NBAS: variants seen among roughly 807,000 people sequenced by gnomAD.
The protein encoded by NBAS is NAG/BC035112 fusion.
In NBAS, 219 loss-of-function variants were observed where a neutral mutation model predicts 302.5. That is an observed-to-expected ratio of 0.72 (90% CI 0.65 to 0.81). NBAS has a LOEUF of 0.81. NBAS is among the 30% of genes least tolerant of loss of function. The probability of loss-of-function intolerance (pLI) is 0.00; values close to 1 mark genes in which losing one functional copy is unlikely to be tolerated. For synonymous variants in NBAS, 1,118 were observed against 1,021.6 expected, an observed-to-expected ratio of 1.09 and a Z score of -1.80; for missense variants, 2,932 against 2,841.6, an observed-to-expected ratio of 1.03 and a Z score of -0.72.
chr2:15,374,418 A>G (rs1477609052), intron 31 of NBAS, among the ~76,000 whole-genome samples, 190 bp downstream of exon 31: 1 of 152,108 alleles, frequency 6.6e-6, no homozygotes, highest in East Asian at 1.9e-4. Context: ...TTTATGGTAA[A>G]ATGTTGGCTT....
At position 15,249,466 on chromosome 2, in the gene NBAS, G is replaced by T. The variant is rs1185603025; in HGVS notation, c.5725-10780C>A. ...CATAGTATTGGAAGTTCTGGCCAGG[G>T]CAATCACGCAAGAGAAAGAAATAAA... is the stretch of plus-strand genomic sequence containing the variant. On this transcript the variant is annotated intron_variant, in intron 44 of 51. Coordinates refer to ENST00000281513, the MANE Select transcript of NBAS (RefSeq NM_015909.4). Among the ~76,000 whole-genome samples, 7 of 152,248 alleles carry T rather than the reference G, an allele frequency of 4.6e-5. No homozygotes were observed. In the East Asian group the frequency reaches 1.4e-3, roughly 29 times the overall value.
the NBAS span, among the ~76,000 whole-genome samples, chr2:15,094,822 G>T: frequency 6.6e-6 from 1 of 152,186 alleles, no homozygotes; most frequent in East Asian, 1.9e-4. Flanking sequence ...AGCCGACGGG[G>T]TCTCAGCAGA....
chr2:15,511,350 T>A lies in NBAS; in HGVS notation c.747A>T (p.Arg249Ser), dbSNP rs1390111580. The stretch of plus-strand genomic sequence containing the variant: ...TTTCACATCCACCAACAAGTAAAAG[T>A]CTAAAAAGGAGAAAATTTTTAAAAA... ...INTAIYHPGHRLLLVGGCETA... is the reference protein window; with the variant it reads ...INTAIYHPGHSLLLVGGCETA... The change falls in exon 10 of 52, where the codon AGA (arginine) becomes AGT (serine). Residue 249 changes from arginine to serine, a missense_variant and splice_region_variant. Physicochemically the swap from Arg to Ser is moderately radical, Grantham distance 110. Transcript: ENST00000281513. 1.9e-6 allele frequency: 3 copies of A among 1,613,586 alleles called. No homozygotes were observed. Among genetic ancestry groups the A allele is most frequent in the Non-Finnish European group, 2.5e-6 (3 of 1,179,790 alleles).
chr2:15,089,742 C>CTTTT, the NBAS span, among the ~76,000 whole-genome samples: 10 of 78,832 alleles, frequency 1.3e-4, no homozygotes, highest in Non-Finnish European at 2.1e-4. Context: ...TGGGTCAGGA[C>CTTTT]TTTTTTTTTT....
intron 24 of NBAS, 44 bp downstream of exon 24, chr2:15,417,483 A>C (rs1204460958): frequency 1.3e-6 from 2 of 1,530,082 alleles, no homozygotes; most frequent in Admixed American, 3.4e-5. Flanking sequence ...AGTGCATAGA[A>C]AATGCTTTAA....
At chr2:15,358,191 C>T (rs952941892) in intron 32 of NBAS, among the ~76,000 whole-genome samples, 3 of 152,060 alleles carry the variant, frequency 2.0e-5, no homozygotes, top group Non-Finnish European at 4.4e-5. Flanking sequence ...ACCTGCGCTG[C>T]CCAGCCCAGC....
chr2:14,912,204 T>C, the NBAS span, among the ~76,000 whole-genome samples: 3 of 152,238 alleles, frequency 2.0e-5, no homozygotes, highest in African/African-American at 7.2e-5. Context: ...CGCCGTTGTA[T>C]ATGCAGTCTG....
the NBAS span, among the ~76,000 whole-genome samples, chr2:15,068,677 G>A: frequency 3.9e-5 from 6 of 152,304 alleles, no homozygotes; most frequent in South Asian, 4.2e-4. Context: ...TAGTGACTCC[G>A]ATTTGCTTTT....
chr2:15,223,689 C>T lies in NBAS; in HGVS notation c.6237-4721G>A, dbSNP rs555616862. Among the ~76,000 whole-genome samples, 322 of 151,858 alleles carry T rather than the reference C, an allele frequency of 2.1e-3. 2 individuals are homozygous for T. Among genetic ancestry groups the T allele is most frequent in the African/African-American group, 7.6e-3 (314 of 41,408 alleles). On this transcript the variant is annotated intron_variant, in intron 47 of 51. Coordinates refer to ENST00000281513, the MANE Select transcript of NBAS (RefSeq NM_015909.4). ...ATTAAAAATACAAAAATTAGCTGGG[C>T]GTGGTGGTGCGTGCCTGTAATCCCA...
chr2:15,097,407 C>G, the NBAS span, among the ~76,000 whole-genome samples: 4 of 152,108 alleles, frequency 2.6e-5, no homozygotes, highest in Non-Finnish European at 4.4e-5. Context: ...AATGATGATT[C>G]TACACAACAG....
chr2:15,468,585 A>T, intron 16 of NBAS, 52 bp from the exon 17 acceptor site: 1 of 1,577,186 alleles, frequency 6.3e-7, no homozygotes, highest in Non-Finnish European at 8.7e-7. Flanking sequence ...ACATCTTACA[A>T]CACATTACAA....
At chr2:15,524,476 A>G (rs2148665695) in intron 9 of NBAS, among the ~76,000 whole-genome samples, 1 of 152,326 alleles carries the variant, frequency 6.6e-6, no homozygotes, top group South Asian at 2.1e-4. Context: ...AAGTCAGAAT[A>G]AACACACATG....
At chr2:15,263,431 C>T (rs150148728) in intron 44 of NBAS, among the ~76,000 whole-genome samples, 252 of 152,260 alleles carry the variant, frequency 1.7e-3, no homozygotes, top group Non-Finnish European at 3.1e-3. Context: ...ATGACAATGT[C>T]ACTACCTGGT....
chr2:15,039,954 G>T, the NBAS span, among the ~76,000 whole-genome samples: 1 of 152,222 alleles, frequency 6.6e-6, no homozygotes, highest in Admixed American at 6.5e-5. Flanking sequence ...AGGTCAGGCA[G>T]GTGGTGATGT....
At chr2:14,854,072 T>TA in the NBAS span, among the ~76,000 whole-genome samples, 18 of 146,662 alleles carry the variant, frequency 1.2e-4, no homozygotes, top group African/African-American at 2.3e-4. Flanking sequence ...TAAAGTATAA[T>TA]AAAAAATAAT....
chr2:14,896,006 A>AG, the NBAS span, among the ~76,000 whole-genome samples: 3 of 30,830 alleles, frequency 9.7e-5, no homozygotes, highest in African/African-American at 2.4e-3. Flanking sequence ...TATAAAGGGG[A>AG]AAAAAAAACG....
the NBAS span, among the ~76,000 whole-genome samples, chr2:14,854,423 AC>A: frequency 6.6e-6 from 1 of 151,804 alleles, no homozygotes; most frequent in South Asian, 2.1e-4. Context: ...AATGACACCA[AC>A]TTAACAACCA....
chr2:15,504,312 A>G, intron 10 of NBAS, 99 bp from the exon 11 acceptor site: 1 of 974,852 alleles, frequency 1.0e-6, no homozygotes, highest in African/African-American at 1.6e-5. Flanking sequence ...CAAATCTAGT[A>G]TTTTTTTAAT....
intron 1 of NBAS, among the ~76,000 whole-genome samples, chr2:15,560,073 C>G (rs1216124168): frequency 6.6e-6 from 1 of 152,044 alleles, no homozygotes; most frequent in Non-Finnish European, 1.5e-5. Context: ...AAAAATGAGT[C>G]GTTTCTCCAG....
Sources: allele counts gnomAD v4.1 joint callset (sites outside exome capture counted in the v4.1 genomes callset), GRCh38; gene constraint gnomAD v4.1.1; transcripts MANE v1.5; gene names NCBI Gene and HGNC (gene_info 2026-07-23, HGNC 2026-07-21).